TTC28: variants seen among roughly 807,000 people sequenced by gnomAD.
The protein encoded by TTC28 is tetratricopeptide repeat protein 28.
TTC28 carries 61 observed loss-of-function variants against 198.0 expected under a neutral mutation model. That is an observed-to-expected ratio of 0.31 (90% CI 0.25 to 0.38). The LOEUF (loss-of-function observed/expected upper bound fraction) is 0.38, where lower values mean the gene tolerates loss of function less well. TTC28 is among the 10% of genes least tolerant of loss of function. The pLI is 1.00. For missense variants in TTC28, 2,678 were observed against 3,164.0 expected (o/e 0.85, Z 3.69); for synonymous variants, 1,171 against 1,297.8 (o/e 0.90, Z 2.10).
intron 2 of TTC28, among the ~76,000 whole-genome samples, chr22:28,340,097 A>T (rs2045805177): frequency 6.6e-6 from 1 of 152,094 alleles, no homozygotes; most frequent in Admixed American, 6.6e-5. Context: ...AAACATTTAG[A>T]CTGTTCTCCC....
intron 2 of TTC28, among the ~76,000 whole-genome samples, chr22:28,513,047 G>A (rs945201965): frequency 1.4e-5 from 2 of 138,512 alleles, no homozygotes; most frequent in African/African-American, 5.4e-5. Flanking sequence ...TGGTGTAAAC[G>A]TAGCTCACTG....
chr22:28,001,004 G>A (rs940544296), intron 15 of TTC28: 2 of 182,782 alleles, frequency 1.1e-5, no homozygotes, highest in African/African-American at 4.6e-5. Context: ...GAATTGGGTG[G>A]CTGTGCTCTG....
Position 28,096,402 on chromosome 22 carries a change from T to C in TTC28, c.3554A>G (p.His1185Arg), listed in dbSNP as rs1941974576. Residue 1185 changes from histidine to arginine, a missense_variant, in exon 11 of 23, where the codon CAT (histidine) becomes CGT (arginine). Transcript: ENST00000397906. ...TTCTGCCACAGCCAGGGCTTCATCA[T>C]GATGGCCTAGGAGACAAAGAGATAT... ...LQRVLVSLGH[H>R]DEALAVAERG... 2 of 1,551,184 alleles carry C rather than the reference T, an allele frequency of 1.3e-6. No individual in the cohort carries two copies. The highest frequency in any genetic ancestry group is 1.4e-5 in the African/African-American group (1 of 73,146).
chr22:28,141,200 T>C (rs555442857), intron 6 of TTC28, among the ~76,000 whole-genome samples: 5 of 152,292 alleles, frequency 3.3e-5, no homozygotes, highest in African/African-American at 7.2e-5. Context: ...GACCACACGA[T>C]TGAAAATGTC....
intron 2 of TTC28, among the ~76,000 whole-genome samples, chr22:28,438,716 C>T (rs2047563082): frequency 6.6e-6 from 1 of 152,228 alleles, no homozygotes; most frequent in African/African-American, 2.4e-5. Flanking sequence ...AAACATGTTC[C>T]TATGAGATGA....
At chr22:28,550,502 T>A (rs926801808) in intron 2 of TTC28, among the ~76,000 whole-genome samples, 1 of 152,174 alleles carries the variant, frequency 6.6e-6, no homozygotes, top group Non-Finnish European at 1.5e-5. Context: ...TAACCATCAC[T>A]GTTAAAGACT....
chr22:28,525,194 G>C (rs1246764044), intron 2 of TTC28, among the ~76,000 whole-genome samples: 1 of 152,104 alleles, frequency 6.6e-6, no homozygotes, highest in Non-Finnish European at 1.5e-5. Flanking sequence ...CTGTCACCGA[G>C]GCTGGAGTGC....
chr22:28,246,509 G>C (rs898255932), intron 5 of TTC28, among the ~76,000 whole-genome samples: 2 of 152,090 alleles, frequency 1.3e-5, no homozygotes, highest in Non-Finnish European at 2.9e-5. Context: ...CTTGTTTCAT[G>C]TGTCAGTATT....
intron 2 of TTC28, among the ~76,000 whole-genome samples, chr22:28,493,364 A>T (rs1167658329): frequency 1.3e-5 from 2 of 152,168 alleles, no homozygotes; most frequent in African/African-American, 4.8e-5. Context: ...TCAAAAAAAA[A>T]ATTTTTTTAA....
chr22:28,393,347 A>AT (rs1041851916), intron 2 of TTC28, among the ~76,000 whole-genome samples: 23 of 151,726 alleles, frequency 1.5e-4, no homozygotes, highest in East Asian at 5.8e-4. Context: ...CATGGGTGTG[A>AT]TTTTTTTTTC....
intron 1 of TTC28, among the ~76,000 whole-genome samples, chr22:28,640,700 CAT>C (rs1430511657): frequency 6.6e-6 from 1 of 152,046 alleles, no homozygotes; most frequent in Non-Finnish European, 1.5e-5. Context: ...TAGCACCTAA[CAT>C]AAAATACTCA....
In TTC28 at chr22:28,048,090, T is replaced by C. The variant is rs1939938524; in HGVS notation, c.3933-17724A>G. 2.0e-5 allele frequency among the ~76,000 whole-genome samples: 3 copies of C among 152,134 alleles called. No individual in the cohort carries two copies. The South Asian group carries it at 6.2e-4, about 32-fold the overall frequency. ...TTCTTGTCAACCTAGGAGGTTTTTT[T>C]CTGCTTGGGTAAGGAGGTTTTTTTC... On this transcript the variant is annotated intron_variant, in intron 12 of 22. Coordinates refer to ENST00000397906, the MANE Select transcript of TTC28 (RefSeq NM_001145418.2).
chr22:28,588,703 A>G (rs902398128), intron 2 of TTC28, among the ~76,000 whole-genome samples: 1 of 152,220 alleles, frequency 6.6e-6, no homozygotes, highest in African/African-American at 2.4e-5. Flanking sequence ...CTGGCTTTGG[A>G]AGGGATTTTC....
chr22:28,227,887 A>C (rs1928476699), intron 5 of TTC28, among the ~76,000 whole-genome samples: 1 of 152,172 alleles, frequency 6.6e-6, no homozygotes, highest in Non-Finnish European at 1.5e-5. Context: ...AAAGAATTGA[A>C]AGCAGGACCT....
intron 12 of TTC28, among the ~76,000 whole-genome samples, chr22:28,067,513 A>G (rs1434327938): frequency 2.0e-5 from 3 of 152,178 alleles, no homozygotes; most frequent in Non-Finnish European, 4.4e-5. Context: ...GGTGCCCATC[A>G]TAAGACGAAC....
chr22:28,652,305 C>T (rs1292101636), intron 1 of TTC28, among the ~76,000 whole-genome samples: 1 of 152,186 alleles, frequency 6.6e-6, no homozygotes, highest in African/African-American at 2.4e-5. Flanking sequence ...TGTTTGGAGT[C>T]CCCAAAACCT....
At chr22:28,636,815 C>T (rs891937631) in intron 1 of TTC28, among the ~76,000 whole-genome samples, 12 of 151,970 alleles carry the variant, frequency 7.9e-5, no homozygotes, top group African/African-American at 1.5e-4. Context: ...TTATCCCACC[C>T]CATAGGTTAC....
chr22:28,533,588 G>C (rs902028699), intron 2 of TTC28, among the ~76,000 whole-genome samples: 5 of 152,168 alleles, frequency 3.3e-5, no homozygotes, highest in African/African-American at 1.2e-4. Context: ...CCAAAACAGA[G>C]CCTGCATTGC....
chr22:28,546,801 G>GTTTTTATTGTTTATATTGTT (rs1384363440), intron 2 of TTC28, among the ~76,000 whole-genome samples: 2 of 152,114 alleles, frequency 1.3e-5, no homozygotes, highest in African/African-American at 4.8e-5. Context: ...ATAAAAAGGA[G>GTTTTTATTGTTTATATTGTT]TAAATTACTT....
Sources: allele counts gnomAD v4.1 joint callset (sites outside exome capture counted in the v4.1 genomes callset), GRCh38; gene constraint gnomAD v4.1.1; transcripts MANE v1.5; gene names NCBI Gene and HGNC (gene_info 2026-07-23, HGNC 2026-07-21).